Variants in RASSF3 observed in about 807,000 individuals in gnomAD.
The protein encoded by RASSF3 is ras association domain-containing protein 3.
A neutral mutation model predicts 19.9 loss-of-function variants in RASSF3; 19 were observed. That is an observed-to-expected ratio of 0.96 (90% CI 0.67 to 1.40). The LOEUF (loss-of-function observed/expected upper bound fraction) is 1.40, where lower values mean the gene tolerates loss of function less well. Among genes scored for constraint, RASSF3 ranks in the 40% most tolerant of loss-of-function variants. The pLI is 0.00. For synonymous variants in RASSF3, 110 were observed against 104.2 expected (o/e 1.06, Z -0.34); for missense variants, 306 against 289.8 (o/e 1.06, Z -0.41).
At chr12:64,590,782 C>G (rs1426086224) in intron 2 of RASSF3, among the ~76,000 whole-genome samples, 1 of 152,154 alleles carries the variant, frequency 6.6e-6, no homozygotes, top group Non-Finnish European at 1.5e-5. Flanking sequence ...CAGCTGTGAG[C>G]ATGGACCCAT....
rs77383564 is a variant in RASSF3 at position 64,675,346 on chromosome 12, C to T, written c.112-9441C>T. 1.8e-3 allele frequency among the ~76,000 whole-genome samples: 273 copies of T among 152,018 alleles called. 4 individuals are homozygous for T. In the East Asian group the frequency reaches 0.043, roughly 24 times the overall value. On this transcript the variant is annotated intron_variant, in intron 1 of 4. Transcript: ENST00000542104. ...TAAATTTTAAATAGAGATGGGGTTTCGCAATGTTGCCCAGGTTGGTCTCGA... is the reference window on the plus strand; with the variant it reads ...TAAATTTTAAATAGAGATGGGGTTTTGCAATGTTGCCCAGGTTGGTCTCGA...
chr12:64,613,430 A>G (rs1870442061), intron 1 of RASSF3, among the ~76,000 whole-genome samples: 1 of 151,954 alleles, frequency 6.6e-6, no homozygotes, highest in South Asian at 2.1e-4. Flanking sequence ...ATATCCGGAG[A>G]AAACAAGATG....
chr12:64,572,246 G>C (rs781282621), intron 2 of RASSF3, among the ~76,000 whole-genome samples: 1 of 151,856 alleles, frequency 6.6e-6, no homozygotes, highest in Non-Finnish European at 1.5e-5. Context: ...ATCTTTGGGA[G>C]ACAATTCGAT....
intron 1 of RASSF3, among the ~76,000 whole-genome samples, chr12:64,516,859 C>T (rs1288444203): frequency 6.6e-6 from 1 of 151,346 alleles, no homozygotes; most frequent in East Asian, 1.9e-4. Flanking sequence ...ATTAGCAGGG[C>T]GTGGTGGCGC....
In RASSF3 at chr12:64,600,073, C is replaced by G. The variant is rs183158696; in HGVS notation, c.294+58368C>G. 1.6e-4 allele frequency among the ~76,000 whole-genome samples: 24 copies of G among 146,686 alleles called. No individual in the cohort carries two copies. The East Asian group carries it at 4.1e-3, about 25-fold the overall frequency. ...AAAAAAAAGAATAGTGCCTGATACA[C>G]AGTAAGAGGTCAAAAAATGTTCAAT... On this transcript the variant is annotated intron_variant, in intron 2 of 5. Transcript: ENST00000637125.
At chr12:64,536,474 T>C (rs1460829924) in intron 1 of RASSF3, among the ~76,000 whole-genome samples, 1 of 152,250 alleles carries the variant, frequency 6.6e-6, no homozygotes, top group Non-Finnish European at 1.5e-5. Flanking sequence ...CTTAGAATAC[T>C]GTTGACCAGC....
intron 1 of RASSF3, among the ~76,000 whole-genome samples, chr12:64,618,930 A>AT (rs1223503787): frequency 6.6e-6 from 1 of 151,090 alleles, no homozygotes; most frequent in Non-Finnish European, 1.5e-5. Flanking sequence ...TATAATAATA[A>AT]AAAAAAAGAA....
chr12:64,561,715 C>CTTTTTTTTTTT (rs4046189), intron 2 of RASSF3, among the ~76,000 whole-genome samples: 4 of 127,606 alleles, frequency 3.1e-5, no homozygotes, highest in Non-Finnish European at 4.9e-5. Flanking sequence ...TAGCATTTAT[C>CTTTTTTTTTTT]TTTTTTTTTT....
chr12:64,607,923 T>A (rs959027302), upstream of RASSF3, among the ~76,000 whole-genome samples: 1 of 151,432 alleles, frequency 6.6e-6, no homozygotes, highest in African/African-American at 2.4e-5. Flanking sequence ...ATTGGCTAAT[T>A]TTTTTTTGTT....
intron 2 of RASSF3, among the ~76,000 whole-genome samples, chr12:64,595,666 A>G (rs1337869823): frequency 1.3e-5 from 2 of 152,286 alleles, no homozygotes; most frequent in Non-Finnish European, 1.5e-5. Context: ...CTTCTTCTAC[A>G]CTACCCACAT....
intron 2 of RASSF3, among the ~76,000 whole-genome samples, chr12:64,571,878 C>T (rs1226946054): frequency 6.6e-6 from 1 of 152,162 alleles, no homozygotes; most frequent in Non-Finnish European, 1.5e-5. Context: ...CTGGTATAGA[C>T]AGTGGGGACA....
rs758432145 is a variant in RASSF3 at position 64,610,708 on chromosome 12, A to C, written c.76A>C (p.Arg26=). The change falls in exon 1 of 5, where the codon AGA becomes CGA. Residue 26 remains arginine (R), a synonymous_variant. Transcript: ENST00000542104. ...FFTARTSFFR[R]APQGKPRSGQ... is the part of the protein sequence containing the mutation. ...CACCGCCAGGACCTCCTTCTTCAGG[A>C]GAGCGCCCCAGGGCAAGCCCCGCTC... The C allele has an allele frequency of 2.4e-4, 382 of 1,594,140 alleles. 1 individual carries two copies. The highest frequency in any genetic ancestry group is 3.2e-4 in the Non-Finnish European group (373 of 1,172,136).
rs138896458 is a variant in RASSF3 at position 64,589,137 on chromosome 12, C to T, written c.294+47432C>T. ...CCTGGGAATTTAATGTGGCAGCCAA[C>T]TCTCTTTTTCACATTAAAAATGTCA... On this transcript the variant is annotated intron_variant, in intron 2 of 5. Transcript: ENST00000637125. Among the ~76,000 whole-genome samples the T allele has an allele frequency of 7.2e-4, 110 of 152,310 alleles. 1 individual carries two copies. The highest frequency in any genetic ancestry group is 6.8e-4 in the Non-Finnish European group (46 of 68,028).
chr12:64,608,346 G>A (rs1478532480), upstream of RASSF3, among the ~76,000 whole-genome samples: 1 of 152,074 alleles, frequency 6.6e-6, no homozygotes, highest in East Asian at 1.9e-4. Flanking sequence ...TTGAGACGAA[G>A]TTTTGCTCTT....
At chr12:64,571,863 G>A (rs1472105360) in intron 2 of RASSF3, among the ~76,000 whole-genome samples, 1 of 152,154 alleles carries the variant, frequency 6.6e-6, no homozygotes, top group Non-Finnish European at 1.5e-5. Flanking sequence ...ACAAAGTAAG[G>A]CTTGCTGGTA....
intron 1 of RASSF3, chr12:64,515,396 C>A (rs1376343000): frequency 6.6e-6 from 1 of 152,226 alleles, no homozygotes; most frequent in Non-Finnish European, 1.5e-5. Context: ...TACACCCCCA[C>A]CTCCACCCCA....
chr12:64,661,871 G>GGT (rs1182096773), intron 1 of RASSF3, among the ~76,000 whole-genome samples: 1 of 151,200 alleles, frequency 6.6e-6, no homozygotes, highest in Non-Finnish European at 1.5e-5. Context: ...AGTAGAGATA[G>GGT]GGCTTCACCC....
intron 1 of RASSF3, among the ~76,000 whole-genome samples, chr12:64,516,446 C>G (rs894982269): frequency 6.6e-6 from 1 of 150,684 alleles, no homozygotes. Flanking sequence ...GGTGAAACCC[C>G]GTCTCTACTA....
downstream of RASSF3, among the ~76,000 whole-genome samples, chr12:64,542,145 T>A (rs1047522278): frequency 6.6e-6 from 1 of 151,544 alleles, no homozygotes; most frequent in Non-Finnish European, 1.5e-5. Flanking sequence ...CTACAAAAAA[T>A]AAAAATAAAA....
Sources: gnomAD v4.1 joint callset for allele counts (sites outside exome capture counted in the v4.1 genomes callset) on GRCh38, gnomAD v4.1.1 for gene constraint, MANE v1.5 for transcripts, NCBI Gene and HGNC (gene_info 2026-07-23, HGNC 2026-07-21) for gene names.